The following ADD3 variants were observed in gnomAD, a reference collection of about 807,000 sequenced individuals.
The protein encoded by ADD3 is gamma-adducin.
In ADD3, 25 loss-of-function variants were observed where a neutral mutation model predicts 80.2. The ratio of observed to expected loss-of-function variants is 0.31; its 90% CI spans 0.23 to 0.44. ADD3 has a LOEUF of 0.44. Among genes scored for constraint, ADD3 ranks in the 20% least tolerant of loss-of-function variants. ADD3 has a pLI of 1.00. For synonymous variants in ADD3, 284 were observed against 289.6 expected (o/e 0.98, Z 0.20); for missense variants, 829 against 847.5 (o/e 0.98, Z 0.27).
In ADD3 at chr10:110,132,357, G is replaced by A. The variant is rs756476844; in HGVS notation, c.1785G>A (p.Gln595=). The part of the protein sequence containing the change: ...SDDASSVSQI[Q]SQTQSPQNVP... ...ACGCTTCATCTGTTTCACAAATTCA[G>A]TCTCAAACTCAGTCACCGCAAAATG... The change falls in exon 14 of 15, where the codon CAG becomes CAA. Residue 595 remains glutamine, a synonymous_variant. Transcript: ENST00000356080. The A allele has an allele frequency of 1.2e-6, 2 of 1,613,812 alleles. No homozygotes were observed. Among genetic ancestry groups the A allele is most frequent in the Middle Eastern group, 1.6e-4 (1 of 6,082 alleles).
chr10:110,102,738 A>G (rs1409958486), intron 2 of ADD3, among the ~76,000 whole-genome samples: 2 of 152,276 alleles, frequency 1.3e-5, no homozygotes, highest in African/African-American at 4.8e-5. Context: ...AAGTATCTCA[A>G]AGAGGACCGT....
Position 110,049,500 on chromosome 10 carries a change from G to C in ADD3, c.-30+41201G>C, listed in dbSNP as rs192233507. On this transcript the variant is annotated intron_variant, in intron 1 of 14. Coordinates refer to ENST00000356080, the MANE Select transcript of ADD3 (RefSeq NM_016824.5). ...CTGTATTCTGCAAAGCCACAGGGGC[G>C]GAGCTGCTCAAGATCATAGGAACCC... Among the ~76,000 whole-genome samples, 312 of 152,304 alleles carry C rather than the reference G, an allele frequency of 2.0e-3. 2 individuals carry two copies. Among genetic ancestry groups the C allele is most frequent in the South Asian group, 0.018 (85 of 4,824 alleles).
At chr10:110,127,715 A>T (rs575901904) in intron 12 of ADD3, among the ~76,000 whole-genome samples, 113 of 152,334 alleles carry the variant, frequency 7.4e-4, no homozygotes, top group African/African-American at 2.6e-3. Flanking sequence ...ATTCTGATCC[A>T]AATCTAAATT....
At chr10:110,025,672 TC>T (rs1854202634) in intron 1 of ADD3, among the ~76,000 whole-genome samples, 3 of 152,174 alleles carry the variant, frequency 2.0e-5, no homozygotes. Flanking sequence ...TAAAGGAAGT[TC>T]CGTGTTTAAG....
In ADD3 at chr10:110,119,515, A is replaced by T. The variant is rs1482745780; in HGVS notation, c.911A>T (p.Glu304Val). The T allele has an allele frequency of 6.2e-7, 1 of 1,614,060 alleles. No homozygotes were observed. Among genetic ancestry groups the T allele is most frequent in the Non-Finnish European group, 8.5e-7 (1 of 1,180,010 alleles). Residue 304 changes from glutamate to valine, a missense_variant, in exon 8 of 15, where the codon GAG (glutamate) becomes GTG (valine). Coordinates refer to ENST00000356080, the MANE Select transcript of ADD3 (RefSeq NM_016824.5). ...HGVVALGETL[E>V]EAFHYIFNVQ... ...GTGGTTGCACTTGGAGAAACATTAG[A>T]GGAGGCTTTTCATTATATTTTTAAT...
chr10:110,041,464 C>T (rs1367255289), intron 1 of ADD3, among the ~76,000 whole-genome samples: 1 of 152,020 alleles, frequency 6.6e-6, no homozygotes, highest in East Asian at 1.9e-4. Flanking sequence ...AGGTATCAGA[C>T]CCCTTTGTGA....
At chr10:110,011,500 G>A (rs1852325112) in intron 1 of ADD3, among the ~76,000 whole-genome samples, 1 of 152,168 alleles carries the variant, frequency 6.6e-6, no homozygotes, top group Non-Finnish European at 1.5e-5. Flanking sequence ...TTAAAAACAA[G>A]CATGCGTTGA....
intron 13 of ADD3, among the ~76,000 whole-genome samples, chr10:110,131,731 T>A (rs534798881): frequency 6.6e-6 from 1 of 152,242 alleles, no homozygotes; most frequent in African/African-American, 2.4e-5. Context: ...TTTTCATATT[T>A]TGTAAAATAT....
Position 110,133,586 on chromosome 10 carries a change from AAG to A in ADD3, c.2091_2092del (p.Asn698GlnfsTer7). On this transcript the variant is annotated frameshift_variant, in exon 15 of 15. Coordinates refer to ENST00000356080, the MANE Select transcript of ADD3 (RefSeq NM_016824.5). LOFTEE classifies it high-confidence loss of function. ...ATTCCGCACTCCTTCTTTTCTGAAA[AAG>A]AACAAAAAAAAGGAGAAAGTTGAGG... is the stretch of plus-strand genomic sequence containing the variant. ...KKFRTPSFLK[K>X]NKKKEKVEA 1 of 1,592,332 alleles carries A rather than the reference AAG, an allele frequency of 6.3e-7. No individual in the cohort carries two copies. The highest frequency in any genetic ancestry group is 8.5e-7 in the Non-Finnish European group (1 of 1,172,976).
chr10:110,093,939 G>A (rs1847853271), intron 1 of ADD3, among the ~76,000 whole-genome samples: 1 of 152,178 alleles, frequency 6.6e-6, no homozygotes, highest in African/African-American at 2.4e-5. Flanking sequence ...TTGACCACAG[G>A]TAACTGAAAC....
upstream of ADD3, among the ~76,000 whole-genome samples, chr10:110,002,667 G>T (rs1851509682): frequency 6.6e-6 from 1 of 151,894 alleles, no homozygotes; most frequent in South Asian, 2.1e-4. Context: ...TGTAGCAGTT[G>T]TTTGCATATT....
At chr10:110,107,855 A>T (rs145580882) in intron 2 of ADD3, among the ~76,000 whole-genome samples, 8 of 152,150 alleles carry the variant, frequency 5.3e-5, no homozygotes, top group African/African-American at 1.9e-4. Flanking sequence ...TTTTGTGGCA[A>T]CACTTGAAGA....
In ADD3 at chr10:110,115,172, CT is replaced by C. The variant is rs1850567335; in HGVS notation, c.335-1086del. ...TGGGAGGCCAAGGCAGGTGGATCAT[CT>C]GAGGTCAGGAGTTCAAGACCACCCT... is the stretch of plus-strand genomic sequence containing the variant. On this transcript the variant is annotated intron_variant, in intron 3 of 14. Coordinates refer to ENST00000356080, the MANE Select transcript of ADD3 (RefSeq NM_016824.5). Among the ~76,000 whole-genome samples, 3 of 151,638 alleles carry C rather than the reference CT, an allele frequency of 2.0e-5. No homozygotes were observed. The South Asian group carries it at 6.3e-4, about 32-fold the overall frequency.
At chr10:110,058,942 C>T (rs936141168) in intron 1 of ADD3, among the ~76,000 whole-genome samples, 2 of 152,116 alleles carry the variant, frequency 1.3e-5, no homozygotes, top group African/African-American at 4.8e-5. Context: ...TTCCTTCTTT[C>T]CTTGACTCTC....
At chr10:110,079,461 AGTGTGTGTGTGTGT>A (rs1164637976) in intron 1 of ADD3, among the ~76,000 whole-genome samples, 16 of 97,450 alleles carry the variant, frequency 1.6e-4, no homozygotes, top group African/African-American at 5.9e-4. Flanking sequence ...AGAGAGAGAG[AGTGTGTGTGTGTGT>A]GTGTGTGTGT....
intron 2 of ADD3, among the ~76,000 whole-genome samples, chr10:110,111,854 G>A (rs555837928): frequency 2.5e-3 from 378 of 151,910 alleles, no homozygotes; most frequent in Non-Finnish European, 4.1e-3. Context: ...CGGAGGTTGC[G>A]GTGAGTTGAG....
At chr10:110,100,930 C>G in intron 2 of ADD3, 82 bp downstream of exon 2, 1 of 1,326,860 alleles carries the variant, frequency 7.5e-7, no homozygotes, top group East Asian at 2.7e-5. Context: ...TCAAACTACC[C>G]TCAGGTTAAA....
intron 1 of ADD3, among the ~76,000 whole-genome samples, chr10:110,040,279 T>G (rs1313766724): frequency 1.3e-4 from 20 of 152,214 alleles, no homozygotes; most frequent in Non-Finnish European, 1.5e-5. Flanking sequence ...TAGTGGAACA[T>G]GTGATGCAGC....
intron 1 of ADD3, among the ~76,000 whole-genome samples, chr10:109,998,074 G>T (rs1353512294): frequency 6.6e-6 from 1 of 152,184 alleles, no homozygotes; most frequent in Non-Finnish European, 1.5e-5. Flanking sequence ...CTCTTTTGAA[G>T]ATTCCTATGG....
Sources: allele counts gnomAD v4.1 joint callset (sites outside exome capture counted in the v4.1 genomes callset), GRCh38; gene constraint gnomAD v4.1.1; transcripts MANE v1.5; gene names NCBI Gene and HGNC (gene_info 2026-07-23, HGNC 2026-07-21).